FLOT1: variants seen among roughly 807,000 people sequenced by gnomAD.
FLOT1 encodes flotillin-1.
Under a neutral mutation model 58.4 loss-of-function variants are expected in FLOT1, and 40 were observed. That is an observed-to-expected ratio of 0.69 (90% confidence interval 0.53 to 0.89). The LOEUF (loss-of-function observed/expected upper bound fraction) is 0.89, where lower values mean the gene tolerates loss of function less well. Among genes scored for constraint, FLOT1 ranks in the 40% least tolerant of loss-of-function variants. The probability of loss-of-function intolerance (pLI) is 0.00; values close to 1 mark genes in which losing one functional copy is unlikely to be tolerated. For missense variants in FLOT1, 423 were observed against 540.8 expected (o/e 0.78, Z 2.16); for synonymous variants, 178 against 204.2 (o/e 0.87, Z 1.09).
Position 30,742,402 on chromosome 6 carries a change from T to A in FLOT1, c.-15+125A>T. 1 of 610,714 alleles carries A rather than the reference T, an allele frequency of 1.6e-6. No homozygotes were observed. Among genetic ancestry groups the A allele is most frequent in the Non-Finnish European group, 3.0e-6 (1 of 337,900 alleles). 37.8% of individuals were successfully genotyped at this position (610,714 alleles called of 1,614,324 possible). On this transcript the variant is annotated intron_variant, in intron 1 of 12. Transcript: ENST00000376389. This position sits in a 1 kb window ranked among gnomAD's most constrained non-coding sequence, Gnocchi z 5.2. ...CAGCTACCTCTTCTCCGCCTGCGTA[T>A]GGTCCCTCCCTTCCCCTCGCCGCTC... is the stretch of plus-strand genomic sequence containing the variant.
At chr6:30,732,359 ATTTTT>A (rs1052372971) in intron 8 of FLOT1, among the ~76,000 whole-genome samples, 3 of 148,524 alleles carry the variant, frequency 2.0e-5, no homozygotes, top group Non-Finnish European at 3.0e-5. Context: ...CAAGGAACAC[ATTTTT>A]TTTTTCTTTT....
Position 30,741,896 on chromosome 6 carries a change from T to C in FLOT1, c.44-29A>G. The C allele has an allele frequency of 6.2e-7, 1 of 1,601,282 alleles. No individual in the cohort carries two copies. The highest frequency in any genetic ancestry group is 8.5e-7 in the Non-Finnish European group (1 of 1,170,922). Reference sequence around the variant, plus strand: ...CAAGGTGTGGGGCAGTGAGGAACGGTGGCAGAGCTTGAATGTGGAAGACTG... The same window carrying C: ...CAAGGTGTGGGGCAGTGAGGAACGGCGGCAGAGCTTGAATGTGGAAGACTG... On this transcript the variant is annotated intron_variant, in intron 2 of 12. Transcript: ENST00000376389. This position sits in a 1 kb window ranked among gnomAD's most constrained non-coding sequence, Gnocchi z 5.9.
chr6:30,731,606 C>T (rs1192621488), intron 8 of FLOT1, among the ~76,000 whole-genome samples: 2 of 152,198 alleles, frequency 1.3e-5, no homozygotes, highest in African/African-American at 2.4e-5. Context: ...ATTTTTCCCA[C>T]GTGTGCCCCC....
At chr6:30,735,730 G>A (rs1252295146) in intron 8 of FLOT1, among the ~76,000 whole-genome samples, 1 of 152,122 alleles carries the variant, frequency 6.6e-6, no homozygotes, top group Non-Finnish European at 1.5e-5. Flanking sequence ...GGCAGTGAGG[G>A]GCTCTGAGAA....
chr6:30,735,189 T>A (rs958471381), intron 8 of FLOT1, among the ~76,000 whole-genome samples: 3 of 151,978 alleles, frequency 2.0e-5, no homozygotes, highest in Non-Finnish European at 4.4e-5. Flanking sequence ...GGGGTTGGGG[T>A]TGGCTCTCAG....
chr6:30,730,244 C>G (rs1054857171), intron 11 of FLOT1, 58 bp from the exon 12 acceptor site: 1 of 1,590,434 alleles, frequency 6.3e-7, no homozygotes, highest in African/African-American at 1.3e-5. Context: ...CCTCATAAAA[C>G]AACTTACTCT....
chr6:30,737,870 G>C lies in FLOT1; in HGVS notation c.723+2288C>G, dbSNP rs1214407709. On this transcript the variant is annotated intron_variant, in intron 8 of 12. Transcript: ENST00000376389. This position sits in a 1 kb window ranked among gnomAD's most constrained non-coding sequence, Gnocchi z 4.4. ...TTTCTGCCTCACCTCCATATTTATA[G>C]CCTCACCTCCAAAATGGTGTCTAGC... Among the ~76,000 whole-genome samples, 1 of 152,050 alleles carries C rather than the reference G, an allele frequency of 6.6e-6. No homozygotes were observed. The highest frequency in any genetic ancestry group is 1.5e-5 in the Non-Finnish European group (1 of 68,022).
intron 12 of FLOT1, among the ~76,000 whole-genome samples, chr6:30,728,712 G>A (rs767997509): frequency 6.6e-6 from 1 of 151,866 alleles, no homozygotes; most frequent in African/African-American, 2.4e-5. Context: ...TCAGCTGATC[G>A]TCCACCCTGG....
rs1284396484 is a variant in FLOT1, at chr6:30,742,505, C to G, written c.-15+22G>C. On this transcript the variant is annotated intron_variant, in intron 1 of 12. Coordinates refer to ENST00000376389, the MANE Select transcript of FLOT1 (RefSeq NM_005803.4). The surrounding 1 kb of genome is among the most constrained non-coding windows in gnomAD (Gnocchi z 5.2). Reference sequence around the variant, plus strand: ...CCCTGCTTCTCGGCAGCCCCAGGCTCCATCTCCCCTCCCCCACTCACCTTC... The same window carrying G: ...CCCTGCTTCTCGGCAGCCCCAGGCTGCATCTCCCCTCCCCCACTCACCTTC... 4.7e-6 allele frequency: 2 copies of G among 429,340 alleles called. No homozygotes were observed. The highest frequency in any genetic ancestry group is 4.2e-6 in the Non-Finnish European group (1 of 237,696). 26.6% of individuals were successfully genotyped at this position (429,340 alleles called of 1,614,324 possible).
chr6:30,730,870 GT>G lies in FLOT1; in HGVS notation c.905+48del, dbSNP rs762888780. The G allele has an allele frequency of 6.9e-6, 11 of 1,599,164 alleles. 1 individual carries two copies. The South Asian group carries it at 1.2e-4, about 18-fold the overall frequency. ...GAAGGCTTCAGCACTCCATCTTGGG[GT>G]GCCTAGGTGGCAAGTGAGCTAGGCA... On this transcript the variant is annotated intron_variant, in intron 9 of 12. Transcript: ENST00000376389.
In FLOT1 at chr6:30,728,107, G is replaced by A. The variant is rs1408447861; in HGVS notation, c.*9C>T. ...GCTATGAGGCTGGGCATCTGTGAGG[G>A]CTGAAGGCTCAGGCTGTTCTCAAAG... On this transcript the variant is annotated 3_prime_UTR_variant, in exon 13 of 13. Coordinates refer to ENST00000376389, the MANE Select transcript of FLOT1 (RefSeq NM_005803.4). The A allele has an allele frequency of 6.2e-7, 1 of 1,612,780 alleles. No homozygotes were observed. Among genetic ancestry groups the A allele is most frequent in the Non-Finnish European group, 8.5e-7 (1 of 1,179,752 alleles).
intron 8 of FLOT1, among the ~76,000 whole-genome samples, chr6:30,733,916 G>C (rs1159299096): frequency 6.6e-6 from 1 of 151,530 alleles, no homozygotes; most frequent in African/African-American, 2.4e-5. Context: ...GCTGGGCGTG[G>C]TGGTGTGCCC....
intron 12 of FLOT1, 127 bp from the exon 13 acceptor site, chr6:30,728,272 G>A: frequency 1.3e-6 from 1 of 774,616 alleles, no homozygotes; most frequent in Non-Finnish European, 2.3e-6. Context: ...TCTTTCTGGT[G>A]CCCTACCACC....
rs1454703551 is a variant in FLOT1, at chr6:30,740,524, G to C, written c.542C>G (p.Ala181Gly). 1 of 1,612,900 alleles carries C rather than the reference G, an allele frequency of 6.2e-7. No homozygotes were observed. Among genetic ancestry groups the C allele is most frequent in the Non-Finnish European group, 8.5e-7 (1 of 1,180,012 alleles). The change falls in exon 7 of 13, where the codon GCA (alanine) becomes GGA (glycine). Residue 181 changes from alanine (A) to glycine (G), a missense_variant. Transcript: ENST00000376389. The part of the protein sequence containing the change: ...QVQKDARIGE[A>G]EAKRDAGIRE... ...GATCCCAGCATCTCTCTTGGCCTCT[G>C]CTTCTCCAATCCGTGCATCTTTTTG...
At position 30,727,722 on chromosome 6, in the gene FLOT1, G is replaced by C. The variant is rs973409823; in HGVS notation, c.*394C>G. On this transcript the variant is annotated 3_prime_UTR_variant, in exon 13 of 13. Coordinates refer to ENST00000376389, the MANE Select transcript of FLOT1 (RefSeq NM_005803.4). ...CCGGGCCAAGCATTAATTTCCAGTT[G>C]CTTCTGTTTTATTAGTACTTACTTA... is the stretch of plus-strand genomic sequence containing the variant. 8 of 276,952 alleles carry C rather than the reference G, an allele frequency of 2.9e-5. No individual in the cohort carries two copies. The East Asian group carries it at 5.6e-4, about 19-fold the overall frequency. 17.2% of individuals were successfully genotyped at this position (276,952 alleles called of 1,614,324 possible).
At position 30,730,667 on chromosome 6, in the gene FLOT1, T is replaced by G; in HGVS notation, c.951+15A>C. ...CCCTCTCCACAAGCCAGCATGGAAC[T>G]GCCTCTTAACTCACCCGCACAGACG... On this transcript the variant is annotated intron_variant, in intron 10 of 12. Coordinates refer to ENST00000376389, the MANE Select transcript of FLOT1 (RefSeq NM_005803.4). 1 of 1,613,782 alleles carries G rather than the reference T, an allele frequency of 6.2e-7. No homozygotes were observed. The highest frequency in any genetic ancestry group is 8.5e-7 in the Non-Finnish European group (1 of 1,180,036).
At chr6:30,730,247 C>G in intron 11 of FLOT1, 61 bp from the exon 12 acceptor site, 1 of 1,584,528 alleles carries the variant, frequency 6.3e-7, no homozygotes, top group South Asian at 1.1e-5. Flanking sequence ...CATAAAACAA[C>G]TTACTCTGGG....
In FLOT1 at chr6:30,742,527, C is replaced by G. The variant is rs1778085981; in HGVS notation, c.-15G>C. 7 of 336,720 alleles carry G rather than the reference C, an allele frequency of 2.1e-5. No homozygotes were observed. The South Asian group carries it at 2.2e-4, about 10-fold the overall frequency. The allele number at this position is 336,720 out of a possible 1,614,324, so 20.9% of individuals were successfully genotyped here. On this transcript the variant is annotated splice_region_variant and 5_prime_UTR_variant, in exon 1 of 13. Transcript: ENST00000376389. This position sits in a 1 kb window ranked among gnomAD's most constrained non-coding sequence, Gnocchi z 5.2. Reference sequence around the variant, plus strand: ...GCTCCATCTCCCCTCCCCCACTCACCTTCCGGGACGCGGGCGGCAGCCCGG... The same window carrying G: ...GCTCCATCTCCCCTCCCCCACTCACGTTCCGGGACGCGGGCGGCAGCCCGG...
chr6:30,739,320 C>A (rs915603783), intron 8 of FLOT1, among the ~76,000 whole-genome samples: 1 of 152,094 alleles, frequency 6.6e-6, no homozygotes, highest in African/African-American at 2.4e-5. Flanking sequence ...ACAGCCTGCT[C>A]CAAACATATG....
Sources: gnomAD v4.1 joint callset for allele counts (sites outside exome capture counted in the v4.1 genomes callset) on GRCh38, gnomAD v4.1.1 for gene constraint, Gnocchi (gnomAD v3.1) non-coding constraint, MANE v1.5 for transcripts, NCBI Gene and HGNC (gene_info 2026-07-23, HGNC 2026-07-21) for gene names.